RCSD1: variants seen among roughly 807,000 people sequenced by gnomAD.
RCSD1 encodes capZ-interacting protein.
In RCSD1, 26 loss-of-function variants were observed where a neutral mutation model predicts 42.5. That is an observed-to-expected ratio of 0.61 (90% confidence interval 0.45 to 0.85). The LOEUF is 0.85. Ranked by LOEUF, RCSD1 falls within the 40% of genes least tolerant of loss-of-function variation. RCSD1 has a pLI of 0.00. For missense variants in RCSD1, 571 were observed against 528.3 expected, an observed-to-expected ratio of 1.08 and a Z score of -0.79; for synonymous variants, 220 against 212.2, an observed-to-expected ratio of 1.04 and a Z score of -0.32.
In RCSD1 at chr1:167,654,217, AT is replaced by A. The variant is rs372786903; in HGVS notation, c.6+23789del. ...GCCATGTACACAAAGTGGCTCCCAA[AT>A]GCAGAAGGAGCTGAGCGACAAAGAA... On this transcript the variant is annotated intron_variant, in intron 1 of 6. Transcript: ENST00000367854. Among the ~76,000 whole-genome samples the A allele has an allele frequency of 5.3e-4, 81 of 152,328 alleles. 1 individual carries two copies. Among genetic ancestry groups the A allele is most frequent in the African/African-American group, 1.8e-3 (75 of 41,564 alleles).
intron 1 of RCSD1, among the ~76,000 whole-genome samples, chr1:167,642,864 G>A (rs1270489086): frequency 1.3e-5 from 2 of 152,176 alleles, no homozygotes; most frequent in East Asian, 3.8e-4. Context: ...GTGAAAGTCG[G>A]CCTGTGAGTA....
chr1:167,648,908 G>A (rs1658234505), intron 1 of RCSD1, among the ~76,000 whole-genome samples: 1 of 152,214 alleles, frequency 6.6e-6, no homozygotes, highest in East Asian at 1.9e-4. Flanking sequence ...TATTTAATAA[G>A]TGCCCACTGT....
intron 1 of RCSD1, among the ~76,000 whole-genome samples, chr1:167,678,512 C>G (rs940228307): frequency 3.3e-5 from 5 of 151,988 alleles, no homozygotes; most frequent in African/African-American, 1.2e-4. Context: ...ACCCATGCAT[C>G]AGTAATTCCC....
At chr1:167,704,037 T>C (rs912084184) in intron 6 of RCSD1, among the ~76,000 whole-genome samples, 1 of 152,138 alleles carries the variant, frequency 6.6e-6, no homozygotes, top group Non-Finnish European at 1.5e-5. Flanking sequence ...AATGTTTCCA[T>C]TTCTCAGCAA....
chr1:167,680,004 G>A (rs1659041714), intron 1 of RCSD1, among the ~76,000 whole-genome samples: 1 of 152,134 alleles, frequency 6.6e-6, no homozygotes, highest in South Asian at 2.1e-4. Flanking sequence ...AAACACCAGA[G>A]GTGATTTTCT....
chr1:167,648,458 G>T (rs1658219334), intron 1 of RCSD1, among the ~76,000 whole-genome samples: 1 of 152,186 alleles, frequency 6.6e-6, no homozygotes, highest in South Asian at 2.1e-4. Flanking sequence ...ACAATTGCAG[G>T]CTCAGCGAGA....
chr1:167,678,529 C>T (rs1186766401), intron 1 of RCSD1, among the ~76,000 whole-genome samples: 1 of 152,142 alleles, frequency 6.6e-6, no homozygotes, highest in Admixed American at 6.6e-5. Context: ...TCCCAGCAGC[C>T]TGACCTTCAA....
At chr1:167,651,101 A>G (rs1454294118) in intron 1 of RCSD1, among the ~76,000 whole-genome samples, 1 of 152,164 alleles carries the variant, frequency 6.6e-6, no homozygotes. Context: ...AGGTGGGACC[A>G]AGGGCCATCG....
intron 1 of RCSD1, among the ~76,000 whole-genome samples, chr1:167,640,896 G>T (rs373705084): frequency 2.6e-5 from 4 of 152,012 alleles, no homozygotes; most frequent in Non-Finnish European, 5.9e-5. Context: ...CCCCACTATC[G>T]CAGTCAACCT....
intron 3 of RCSD1, among the ~76,000 whole-genome samples, chr1:167,685,792 A>G (rs180979589): frequency 5.6e-4 from 85 of 152,328 alleles, no homozygotes; most frequent in African/African-American, 2.0e-3. Context: ...AGAATGGGTC[A>G]TATATTATTA....
chr1:167,663,761 C>T (rs1444999305), intron 1 of RCSD1: 7 of 152,260 alleles, frequency 4.6e-5, no homozygotes, highest in Non-Finnish European at 8.8e-5. Flanking sequence ...GGTATCTCTA[C>T]GAAGAGTGCA....
At chr1:167,691,870 T>C (rs1181004598) in intron 4 of RCSD1, among the ~76,000 whole-genome samples, 1 of 152,140 alleles carries the variant, frequency 6.6e-6, no homozygotes, top group Non-Finnish European at 1.5e-5. Flanking sequence ...GCAGGGCTCC[T>C]AAATAAGTAA....
At chr1:167,691,003 C>T (rs748202627) in intron 4 of RCSD1, among the ~76,000 whole-genome samples, 1 of 152,166 alleles carries the variant, frequency 6.6e-6, no homozygotes, top group Non-Finnish European at 1.5e-5. Context: ...AGAGCTTTCA[C>T]AGGTGATATA....
chr1:167,635,051 C>A (rs1208604502), intron 1 of RCSD1, among the ~76,000 whole-genome samples: 1 of 151,882 alleles, frequency 6.6e-6, no homozygotes, highest in African/African-American at 2.4e-5. Context: ...ACATTTTCTA[C>A]CACATTTTTT....
intron 4 of RCSD1, 52 bp from the exon 5 acceptor site, chr1:167,694,047 G>A: frequency 6.4e-7 from 1 of 1,573,716 alleles, no homozygotes. Flanking sequence ...TAAAGTAGAG[G>A]CTCTGATCTT....
intron 3 of RCSD1, 33 bp from the exon 4 acceptor site, chr1:167,690,016 T>G: frequency 6.2e-7 from 1 of 1,610,026 alleles, no homozygotes. Context: ...CTCACCTTAC[T>G]TATCTGGTTG....
At chr1:167,688,278 G>A (rs1373709019) in intron 3 of RCSD1, among the ~76,000 whole-genome samples, 4 of 152,184 alleles carry the variant, frequency 2.6e-5, no homozygotes, top group Non-Finnish European at 5.9e-5. Flanking sequence ...AGCTGGGGAA[G>A]AGAAGAACTA....
intron 1 of RCSD1, among the ~76,000 whole-genome samples, chr1:167,667,970 A>T (rs1026972973): frequency 6.6e-6 from 1 of 152,162 alleles, no homozygotes; most frequent in African/African-American, 2.4e-5. Context: ...CAGTAGAAAG[A>T]GAAAAACATG....
chr1:167,630,388 C>T lies in RCSD1; in HGVS notation c.-36C>T. 1.3e-6 allele frequency: 2 copies of T among 1,505,214 alleles called. No homozygotes were observed. Among genetic ancestry groups the T allele is most frequent in the Non-Finnish European group, 1.8e-6 (2 of 1,122,144 alleles). The allele number at this position is 1,505,214 out of a possible 1,614,324, so 93.2% of individuals were successfully genotyped here. A position where few individuals can be genotyped will look rare whatever the true frequency, so the allele number is the denominator to read the frequency against. ...GATCGTGAGCTCCGGCCCGGGCGAGCGGGTGCGTCTGCCGCAGAGTCGGCA... is the reference window on the plus strand; with the variant it reads ...GATCGTGAGCTCCGGCCCGGGCGAGTGGGTGCGTCTGCCGCAGAGTCGGCA... On this transcript the variant is annotated 5_prime_UTR_variant, in exon 1 of 7. Transcript: ENST00000367854.
Sources: allele counts gnomAD v4.1 joint callset (sites outside exome capture counted in the v4.1 genomes callset), GRCh38; gene constraint gnomAD v4.1.1; transcripts MANE v1.5; gene names NCBI Gene and HGNC (gene_info 2026-07-23, HGNC 2026-07-21).